The following KHDRBS1 variants were observed in gnomAD, a reference collection of about 807,000 sequenced individuals.
The protein encoded by KHDRBS1 is KH RNA binding domain containing, signal transduction associated 1.
A neutral mutation model predicts 48.4 loss-of-function variants in KHDRBS1; 7 were observed. That is an observed-to-expected ratio of 0.14 (90% CI 0.08 to 0.27). The LOEUF (loss-of-function observed/expected upper bound fraction) is 0.27. Among genes scored for constraint, KHDRBS1 ranks in the 10% least tolerant of loss-of-function variants. The pLI, the probability that KHDRBS1 is intolerant of heterozygous loss-of-function variation, is 1.00. For missense variants in KHDRBS1, 458 were observed against 601.2 expected (o/e 0.76, Z 2.49); for synonymous variants, 241 against 235.8 (o/e 1.02, Z -0.20).
intron 10 of KHDRBS1, chr1:32,052,621 TCTC>T (rs1224913956): frequency 6.6e-6 from 1 of 152,016 alleles, no homozygotes; most frequent in Non-Finnish European, 1.5e-5. Context: ...ATGGTCTCGA[TCTC>T]CTGACCTCGT....
intron 10 of KHDRBS1, among the ~76,000 whole-genome samples, chr1:32,049,007 T>C (rs1173244201): frequency 6.6e-6 from 1 of 151,634 alleles, no homozygotes; most frequent in Admixed American, 6.6e-5. Flanking sequence ...AATGAAATTA[T>C]ACAATAAGTG....
At chr1:32,015,086 A>G (rs1557887330) in intron 1 of KHDRBS1, among the ~76,000 whole-genome samples, 2 of 152,232 alleles carry the variant, frequency 1.3e-5, no homozygotes, top group Admixed American at 6.5e-5. Context: ...ATGGGACGAT[A>G]GGGACTCCCG....
At chr1:32,048,993 TACAA>T (rs1416471159) in intron 10 of KHDRBS1, among the ~76,000 whole-genome samples, 4 of 151,608 alleles carry the variant, frequency 2.6e-5, no homozygotes, top group Non-Finnish European at 2.9e-5. Context: ...TATGATTTCA[TACAA>T]ATGAAATTAT....
At chr1:32,048,285 A>C (rs1265122406), downstream of KHDRBS1, among the ~76,000 whole-genome samples, 1 of 152,120 alleles carries the variant, frequency 6.6e-6, no homozygotes, top group Non-Finnish European at 1.5e-5. Flanking sequence ...AGTTGGGAGG[A>C]TCACTTGAGG....
chr1:32,015,917 A>G (rs1173036309), intron 1 of KHDRBS1, among the ~76,000 whole-genome samples: 1 of 152,228 alleles, frequency 6.6e-6, no homozygotes, highest in Non-Finnish European at 1.5e-5. Context: ...GCGGTGGCTC[A>G]CGCCTGTAAT....
In KHDRBS1 at chr1:32,025,292, C is replaced by CTTTTTT. The variant is rs576339772; in HGVS notation, c.383-4985_383-4980dup. ...AAAAAAAAAAAAAATTCGGCTCCTC[C>CTTTTTT]TTTTTTTTTTTTTTTTTTTTTTTTT... is the stretch of plus-strand genomic sequence containing the variant. On this transcript the variant is annotated intron_variant, in intron 1 of 8. Coordinates refer to ENST00000327300, the MANE Select transcript of KHDRBS1 (RefSeq NM_006559.3). Among the ~76,000 whole-genome samples the CTTTTTT allele has an allele frequency of 2.1e-4, 19 of 92,094 alleles. 2 individuals are homozygous for CTTTTTT. The highest frequency in any genetic ancestry group is 7.5e-4 in the African/African-American group (14 of 18,618). The allele number at this position is 92,094 out of a possible 152,430, so 60.4% of individuals were successfully genotyped here. A position where few individuals can be genotyped will look rare whatever the true frequency, so the allele number is the denominator to read the frequency against.
chr1:32,031,744 A>G, intron 3 of KHDRBS1, 104 bp downstream of exon 3: 1 of 648,432 alleles, frequency 1.5e-6, no homozygotes, highest in South Asian at 2.2e-5. Context: ...GTATGTGTAC[A>G]GAATGTGGCT....
At chr1:32,038,155 T>C in intron 6 of KHDRBS1, 119 bp downstream of exon 6, 1 of 1,460,538 alleles carries the variant, frequency 6.8e-7, no homozygotes, top group Non-Finnish European at 9.2e-7. Context: ...ATTTGCAATC[T>C]GCCCTCTTCT....
At chr1:32,046,873 C>T (rs978698688), downstream of KHDRBS1, among the ~76,000 whole-genome samples, 2 of 152,150 alleles carry the variant, frequency 1.3e-5, no homozygotes, top group Non-Finnish European at 2.9e-5. Flanking sequence ...ATTCTGGGCA[C>T]CTGGCAAGTC....
At chr1:32,015,632 G>A (rs767702714) in intron 1 of KHDRBS1, among the ~76,000 whole-genome samples, 1 of 152,144 alleles carries the variant, frequency 6.6e-6, no homozygotes, top group Non-Finnish European at 1.5e-5. Context: ...CTAAGAGAGT[G>A]CTCTTTATTT....
intron 1 of KHDRBS1, among the ~76,000 whole-genome samples, chr1:32,028,602 A>C (rs1639021193): frequency 6.9e-6 from 1 of 145,280 alleles, no homozygotes; most frequent in South Asian, 2.1e-4. Context: ...TCCTGGGTTC[A>C]TGCCATTCTC....
intron 6 of KHDRBS1, 56 bp from the exon 7 acceptor site, chr1:32,038,496 T>C: frequency 6.4e-7 from 1 of 1,560,070 alleles, no homozygotes; most frequent in Non-Finnish European, 8.8e-7. Context: ...TAATTACCTT[T>C]CCTACTCTCT....
intron 3 of KHDRBS1, among the ~76,000 whole-genome samples, 197 bp downstream of exon 3, chr1:32,031,837 C>T (rs1201299031): frequency 6.6e-6 from 1 of 152,128 alleles, no homozygotes; most frequent in African/African-American, 2.4e-5. Context: ...CCTAGGTGTG[C>T]CCTGGTGATA....
At chr1:32,036,842 T>C in intron 4 of KHDRBS1, 68 bp from the exon 5 acceptor site, 1 of 1,510,332 alleles carries the variant, frequency 6.6e-7, no homozygotes, top group South Asian at 1.3e-5. Context: ...AAGTCTCCCG[T>C]GGACCAGATG....
chr1:32,017,900 C>T (rs994856281), intron 1 of KHDRBS1, among the ~76,000 whole-genome samples: 1 of 151,788 alleles, frequency 6.6e-6, no homozygotes, highest in Non-Finnish European at 1.5e-5. Flanking sequence ...AGCCACTGCG[C>T]CCGGCCTATT....
chr1:32,040,188 C>T (rs559587328), intron 8 of KHDRBS1, among the ~76,000 whole-genome samples: 7 of 152,050 alleles, frequency 4.6e-5, no homozygotes, highest in African/African-American at 1.7e-4. Context: ...CCGAGGCAGG[C>T]GGATCACCTG....
chr1:32,038,086 A>G, intron 6 of KHDRBS1, 50 bp downstream of exon 6: 1 of 1,603,018 alleles, frequency 6.2e-7, no homozygotes, highest in Non-Finnish European at 8.5e-7. Context: ...AAGGCTGCTA[A>G]AGGAAGTTGA....
chr1:32,014,798 G>C (rs1046059435), intron 1 of KHDRBS1, among the ~76,000 whole-genome samples: 1 of 152,188 alleles, frequency 6.6e-6, no homozygotes, highest in African/African-American at 2.4e-5. Flanking sequence ...GGTGAAGACA[G>C]CCAGAGCGGG....
chr1:32,018,702 A>G (rs9730654), intron 1 of KHDRBS1, among the ~76,000 whole-genome samples: 4,286 of 152,004 alleles, frequency 0.028, 190 homozygotes, highest in African/African-American at 0.096. Context: ...GTTTGCAGTG[A>G]GCCGAGATCG....
Sources: allele counts gnomAD v4.1 joint callset (sites outside exome capture counted in the v4.1 genomes callset), GRCh38; gene constraint gnomAD v4.1.1; transcripts MANE v1.5; gene names NCBI Gene and HGNC (gene_info 2026-07-23, HGNC 2026-07-21).